Variants in FOXP2 observed in about 807,000 individuals in gnomAD.
FOXP2 encodes the protein forkhead box P2.
FOXP2 carries 12 observed loss-of-function variants against 115.8 expected under a neutral mutation model. That is an observed-to-expected ratio of 0.10 (90% confidence interval 0.07 to 0.17). The LOEUF is 0.17. Ranked by LOEUF, FOXP2 falls within the 10% of genes least tolerant of loss-of-function variation. The pLI is 1.00. For synonymous variants in FOXP2, 328 were observed against 297.7 expected, an observed-to-expected ratio of 1.10 and a Z score of -1.05; for missense variants, 629 against 843.5, an observed-to-expected ratio of 0.75 and a Z score of 3.15.
chr7:114,191,386 T>C (rs954235543), intron 1 of FOXP2, among the ~76,000 whole-genome samples: 12 of 152,142 alleles, frequency 7.9e-5, no homozygotes, highest in Non-Finnish European at 1.8e-4. Flanking sequence ...CCAATGAAAG[T>C]ATTTAACTTT....
chr7:114,277,524 T>G lies in FOXP2; in HGVS notation c.-101-10495T>G, dbSNP rs533831595. Among the ~76,000 whole-genome samples the G allele has an allele frequency of 2.7e-3, 406 of 151,852 alleles. 2 individuals are homozygous for G. Among genetic ancestry groups the G allele is most frequent in the African/African-American group, 9.4e-3 (390 of 41,426 alleles). On this transcript the variant is annotated intron_variant, in intron 1 of 17. Transcript: ENST00000634411. ...ATACAGTCTAGTGGCTAAAGACCATTAAAAAAAACCAAACCCCTGACTTCA... is the reference window on the plus strand; with the variant it reads ...ATACAGTCTAGTGGCTAAAGACCATGAAAAAAAACCAAACCCCTGACTTCA...
At chr7:114,119,941 G>C (rs1475357396) in intron 1 of FOXP2, among the ~76,000 whole-genome samples, 24 of 152,090 alleles carry the variant, frequency 1.6e-4, no homozygotes, top group Non-Finnish European at 1.5e-5. Context: ...AAGCTCTTGG[G>C]TAATACTAAT....
intron 1 of FOXP2, among the ~76,000 whole-genome samples, chr7:114,247,492 C>G (rs1028503782): frequency 1.3e-5 from 2 of 152,086 alleles, no homozygotes; most frequent in African/African-American, 4.8e-5. Flanking sequence ...TATATCCCTC[C>G]CTTCTCTTTT....
intron 1 of FOXP2, among the ~76,000 whole-genome samples, chr7:114,093,169 A>T (rs926098400): frequency 6.6e-6 from 1 of 152,142 alleles, no homozygotes. Flanking sequence ...CCTACTGTGG[A>T]CATATAAACC....
At chr7:114,464,719 C>G (rs773715914) in intron 2 of FOXP2, among the ~76,000 whole-genome samples, 13 of 152,212 alleles carry the variant, frequency 8.5e-5, no homozygotes, top group African/African-American at 2.2e-4. Flanking sequence ...AAAAGCAATT[C>G]AAGAAAAACA....
intron 2 of FOXP2, among the ~76,000 whole-genome samples, chr7:114,373,553 A>C (rs1792068036): frequency 6.6e-6 from 1 of 152,200 alleles, no homozygotes; most frequent in Non-Finnish European, 1.5e-5. Flanking sequence ...CCTTGTTCCC[A>C]GTTCTTTCTT....
At chr7:114,203,734 C>T (rs189101821) in intron 1 of FOXP2, among the ~76,000 whole-genome samples, 3 of 152,174 alleles carry the variant, frequency 2.0e-5, no homozygotes, top group African/African-American at 7.2e-5. Flanking sequence ...CTACTGTTCT[C>T]TCCAACTAAC....
rs1459605752 is a variant in FOXP2 at position 114,664,385 on chromosome 7, A to T, written c.1952A>T (p.His651Leu). 6 of 1,613,506 alleles carry T rather than the reference A, an allele frequency of 3.7e-6. No homozygotes were observed. The Admixed American group carries it at 8.3e-5, about 22-fold the overall frequency. The change falls in exon 16 of 17, where the codon CAC becomes CTC. Residue 651 changes from histidine to leucine, a missense_variant. His to Leu is a moderately conservative substitution (Grantham distance 99). Around this residue, in one of 9 missense-constraint regions of FOXP2, gnomAD observed 117 missense variants for 112.3 expected, o/e 1.04. Coordinates refer to ENST00000350908, the MANE Select transcript of FOXP2 (RefSeq NM_014491.4). ...VHEDLNGSLD[H>L]IDSNGNSSPG... ...GAAGACCTCAATGGTTCTCTGGATC[A>T]CATTGACAGCAATGGAAACAGTAGT... is the stretch of plus-strand genomic sequence containing the variant.
intron 1 of FOXP2, among the ~76,000 whole-genome samples, chr7:114,244,811 G>C (rs541614183): frequency 5.9e-5 from 9 of 152,118 alleles, no homozygotes; most frequent in African/African-American, 2.2e-4. Context: ...GCCCAGGCGG[G>C]AGTGCAGTGG....
chr7:114,397,972 C>T (rs1450065382), intron 2 of FOXP2, among the ~76,000 whole-genome samples: 3 of 151,676 alleles, frequency 2.0e-5, no homozygotes, highest in Non-Finnish European at 4.4e-5. Flanking sequence ...AGAGAGAAAT[C>T]GAAGATTAAG....
intron 1 of FOXP2, among the ~76,000 whole-genome samples, chr7:114,114,261 G>GTA (rs1228751675): frequency 1.3e-5 from 2 of 150,330 alleles, no homozygotes; most frequent in Non-Finnish European, 3.0e-5. Context: ...ACATATATGT[G>GTA]TATATACACA....
chr7:114,231,007 AAT>A (rs1794861397), intron 1 of FOXP2, among the ~76,000 whole-genome samples: 1 of 147,258 alleles, frequency 6.8e-6, no homozygotes, highest in Non-Finnish European at 1.5e-5. Context: ...CACACACACA[AAT>A]CCCCATTAGA....
At chr7:114,384,696 T>C (rs1359825513) in intron 2 of FOXP2, among the ~76,000 whole-genome samples, 2 of 152,064 alleles carry the variant, frequency 1.3e-5, no homozygotes, top group Non-Finnish European at 2.9e-5. Flanking sequence ...TCTAACATAG[T>C]AGCCCCATAC....
At chr7:114,276,411 C>T (rs981590133) in intron 1 of FOXP2, among the ~76,000 whole-genome samples, 3 of 152,130 alleles carry the variant, frequency 2.0e-5, no homozygotes, top group Non-Finnish European at 4.4e-5. Context: ...GTGATCCACC[C>T]ATCTCAACCT....
At chr7:114,463,550 A>C (rs1051774350) in intron 2 of FOXP2, among the ~76,000 whole-genome samples, 2 of 152,246 alleles carry the variant, frequency 1.3e-5, no homozygotes, top group African/African-American at 4.8e-5. Flanking sequence ...GTATTTGATT[A>C]TAAGTGATAG....
At position 114,191,379 on chromosome 7, in the gene FOXP2, A is replaced by G. The variant is rs192080858; in HGVS notation, c.-102+28291A>G. ...GAGAGAGGACATGCCCTGTGGCCCA[A>G]TGAAAGTATTTAACTTTACATATAC... is the stretch of plus-strand genomic sequence containing the variant. On this transcript the variant is annotated intron_variant, in intron 1 of 17. Coordinates refer to the FOXP2 transcript ENST00000634411. Among the ~76,000 whole-genome samples the G allele has an allele frequency of 1.5e-3, 232 of 152,310 alleles. 2 individuals carry two copies. Among genetic ancestry groups the G allele is most frequent in the Admixed American group, 2.7e-3 (41 of 15,300 alleles).
chr7:114,268,816 G>A (rs940443975), intron 1 of FOXP2, among the ~76,000 whole-genome samples: 3 of 151,942 alleles, frequency 2.0e-5, no homozygotes, highest in Admixed American at 1.3e-4. Flanking sequence ...GAAAAAGAAA[G>A]TTTTGCTTTT....
intron 2 of FOXP2, among the ~76,000 whole-genome samples, chr7:114,513,869 A>C (rs1266017702): frequency 6.6e-6 from 1 of 152,130 alleles, no homozygotes; most frequent in Non-Finnish European, 1.5e-5. Flanking sequence ...AACAAAAGGC[A>C]TACAGGAAAT....
chr7:114,675,446 A>C (rs1807702039), intron 16 of FOXP2, among the ~76,000 whole-genome samples: 1 of 152,228 alleles, frequency 6.6e-6, no homozygotes, highest in African/African-American at 2.4e-5. Flanking sequence ...AGACATTTAA[A>C]TAATCCTGTG....
Sources: gnomAD v4.1 joint callset for allele counts (sites outside exome capture counted in the v4.1 genomes callset) on GRCh38, gnomAD v4.1.1 for gene constraint, gnomAD v4.1.1 regional missense constraint, MANE v1.5 for transcripts, NCBI Gene and HGNC (gene_info 2026-07-23, HGNC 2026-07-21) for gene names.